The following RAB3IP variants were observed in gnomAD, a reference collection of about 807,000 sequenced individuals.
RAB3IP encodes rab-3A-interacting protein.
Under a neutral mutation model 59.1 loss-of-function variants are expected in RAB3IP, and 36 were observed. The ratio of observed to expected loss-of-function variants is 0.61; its 90% CI spans 0.47 to 0.80. The LOEUF (loss-of-function observed/expected upper bound fraction) is 0.80, where lower values mean the gene tolerates loss of function less well. RAB3IP is among the 30% of genes least tolerant of loss of function. The pLI is 0.00. For synonymous variants in RAB3IP, 207 were observed against 191.2 expected (o/e 1.08, Z -0.68); for missense variants, 511 against 536.0 (o/e 0.95, Z 0.46).
chr12:69,805,586 G>A (rs1311774279), intron 8 of RAB3IP, among the ~76,000 whole-genome samples: 7 of 150,916 alleles, frequency 4.6e-5, no homozygotes, highest in Non-Finnish European at 1.0e-4. Flanking sequence ...GTTTTCAAAG[G>A]GAATGCTTCC....
chr12:69,796,288 G>A (rs570488703), intron 6 of RAB3IP: 7 of 157,356 alleles, frequency 4.4e-5, no homozygotes, highest in African/African-American at 9.5e-5. Context: ...CAACAAGAGC[G>A]AAACTCTGTC....
intron 1 of RAB3IP, chr12:69,739,981 G>T (rs749862584): frequency 4.1e-6 from 4 of 968,428 alleles, no homozygotes; most frequent in Non-Finnish European, 6.5e-6. Flanking sequence ...ACACTCTCCT[G>T]TTTCACCCCA....
chr12:69,779,774 C>G (rs1874343688), intron 3 of RAB3IP, among the ~76,000 whole-genome samples: 1 of 151,610 alleles, frequency 6.6e-6, no homozygotes, highest in African/African-American at 2.4e-5. Flanking sequence ...CACTGATGAT[C>G]CTTAACACAG....
intron 5 of RAB3IP, among the ~76,000 whole-genome samples, chr12:69,794,842 G>T (rs567227472): frequency 6.6e-6 from 1 of 152,188 alleles, no homozygotes; most frequent in African/African-American, 2.4e-5. Flanking sequence ...TACTGTTTTA[G>T]GAGTGAACTT....
chr12:69,753,419 T>C (rs1207050730), intron 1 of RAB3IP, among the ~76,000 whole-genome samples: 2 of 152,160 alleles, frequency 1.3e-5, no homozygotes, highest in East Asian at 1.9e-4. Context: ...TGAAGTGCAG[T>C]GTCTCAGCTC....
Position 69,806,607 on chromosome 12 carries a change from A to G in RAB3IP, c.1130+4886A>G, listed in dbSNP as rs575871383. On this transcript the variant is annotated intron_variant, in intron 8 of 10. Transcript: ENST00000247833. ...TTTTTTTTTTTAGTATTTATTGATCATTCTTGGGTGTTTCTTGGAGGGGGT... is the reference window on the plus strand; with the variant it reads ...TTTTTTTTTTTAGTATTTATTGATCGTTCTTGGGTGTTTCTTGGAGGGGGT... 7.1e-3 allele frequency among the ~76,000 whole-genome samples: 486 copies of G among 68,486 alleles called. 2 individuals are homozygous for G. Among genetic ancestry groups the G allele is most frequent in the Non-Finnish European group, 9.8e-3 (353 of 35,928 alleles). The allele number at this position is 68,486 out of a possible 152,430, so 44.9% of individuals were successfully genotyped here.
intron 3 of RAB3IP, among the ~76,000 whole-genome samples, chr12:69,760,060 A>G (rs1413593340): frequency 6.6e-6 from 1 of 152,144 alleles, no homozygotes; most frequent in African/African-American, 2.4e-5. Flanking sequence ...GCTAGCCGAG[A>G]TCATGCCACT....
intron 8 of RAB3IP, among the ~76,000 whole-genome samples, chr12:69,808,795 C>T (rs989763531): frequency 6.6e-6 from 1 of 152,146 alleles, no homozygotes; most frequent in African/African-American, 2.4e-5. Flanking sequence ...ATGTGTGTTT[C>T]TGCACATGAG....
chr12:69,803,342 T>A (rs892142195), intron 8 of RAB3IP, among the ~76,000 whole-genome samples: 6 of 152,106 alleles, frequency 3.9e-5, no homozygotes, highest in African/African-American at 1.4e-4. Flanking sequence ...GAAGTGTGGC[T>A]TTGGCCGTGG....
rs1881309289 is a variant in RAB3IP at position 69,817,971 on chromosome 12, A to C, written c.*2525A>C. ...TAGAAGTGCATGTGGGCCAATAAAC[A>C]TTAAGAGGTTTTCATCTCTCAATCA... is the stretch of plus-strand genomic sequence containing the variant. On this transcript the variant is annotated 3_prime_UTR_variant, in exon 11 of 11. Transcript: ENST00000247833. The C allele has an allele frequency of 6.6e-6, 1 of 152,204 alleles. No individual in the cohort carries two copies. Among genetic ancestry groups the C allele is most frequent in the South Asian group, 2.1e-4 (1 of 4,834 alleles). 9.4% of individuals were successfully genotyped at this position (152,204 alleles called of 1,614,324 possible). A position where few individuals can be genotyped will look rare whatever the true frequency, so the allele number is the denominator to read the frequency against.
At chr12:69,808,580 G>C (rs1004311592) in intron 8 of RAB3IP, among the ~76,000 whole-genome samples, 18 of 152,086 alleles carry the variant, frequency 1.2e-4, no homozygotes, top group African/African-American at 4.3e-4. Flanking sequence ...TATGAATCTG[G>C]GTGCTCCTGT....
chr12:69,801,222 T>C (rs1878321036), intron 7 of RAB3IP, among the ~76,000 whole-genome samples: 2 of 152,226 alleles, frequency 1.3e-5, no homozygotes, highest in African/African-American at 4.8e-5. Flanking sequence ...AGCTAATTAA[T>C]ATATATTGCT....
upstream of RAB3IP, chr12:69,738,501 C>G: frequency 6.6e-6 from 1 of 152,406 alleles, no homozygotes; most frequent in African/African-American, 2.4e-5. Flanking sequence ...CCTCAACCCA[C>G]GGCAAAGGTG....
intron 1 of RAB3IP, among the ~76,000 whole-genome samples, chr12:69,743,991 T>A (rs1887598481): frequency 6.6e-6 from 1 of 152,218 alleles, no homozygotes; most frequent in South Asian, 2.1e-4. Flanking sequence ...AATGATTTTT[T>A]TAAAAAATTA....
rs939124527 is a variant in RAB3IP, at chr12:69,738,981, G to A, written c.-76G>A. The A allele has an allele frequency of 1.3e-5, 2 of 152,182 alleles. No individual in the cohort carries two copies. Among genetic ancestry groups the A allele is most frequent in the South Asian group, 2.1e-4 (1 of 4,842 alleles). The allele number at this position is 152,182 out of a possible 1,614,324, so 9.4% of individuals were successfully genotyped here. A position where few individuals can be genotyped will look rare whatever the true frequency, so the allele number is the denominator to read the frequency against. ...CGCTGCTTCGGGACGCGCTCTCTGC[G>A]GCTCTGTGAGCGCCCCTGAGCGCCG... On this transcript the variant is annotated 5_prime_UTR_variant, in exon 1 of 11. Coordinates refer to ENST00000247833, the MANE Select transcript of RAB3IP (RefSeq NM_022456.5).
rs1262546022 is a variant in RAB3IP at position 69,820,473 on chromosome 12, G to T, written c.*5027G>T. 1 of 150,740 alleles carries T rather than the reference G, an allele frequency of 6.6e-6. No homozygotes were observed. The highest frequency in any genetic ancestry group is 2.5e-5 in the African/African-American group (1 of 40,802). The allele number at this position is 150,740 out of a possible 1,614,324, so 9.3% of individuals were successfully genotyped here. On this transcript the variant is annotated 3_prime_UTR_variant, in exon 11 of 11. Transcript: ENST00000247833. ...CCTCCTACAATCACTGACGGCAGCC[G>T]CAGGGATCTTTATAAAACGAAAATC... is the stretch of plus-strand genomic sequence containing the variant.
chr12:69,769,737 C>T (rs1429049086), intron 3 of RAB3IP, among the ~76,000 whole-genome samples: 2 of 152,076 alleles, frequency 1.3e-5, no homozygotes, highest in Non-Finnish European at 2.9e-5. Flanking sequence ...ATATGTCTCT[C>T]TTTAAGGAGT....
chr12:69,770,048 T>A (rs1872847632), intron 3 of RAB3IP, among the ~76,000 whole-genome samples: 1 of 138,920 alleles, frequency 7.2e-6, no homozygotes, highest in Non-Finnish European at 1.6e-5. Flanking sequence ...AAAGCACAGT[T>A]ACATATGATA....
At chr12:69,809,342 T>G (rs1348829064) in intron 8 of RAB3IP, among the ~76,000 whole-genome samples, 1 of 152,204 alleles carries the variant, frequency 6.6e-6, no homozygotes, top group African/African-American at 2.4e-5. Context: ...ATTTTTTCCT[T>G]TATTTCAACT....
Sources: allele counts gnomAD v4.1 joint callset (sites outside exome capture counted in the v4.1 genomes callset), GRCh38; gene constraint gnomAD v4.1.1; transcripts MANE v1.5; gene names NCBI Gene and HGNC (gene_info 2026-07-23, HGNC 2026-07-21).